Variants in TMT1A observed in about 807,000 individuals in gnomAD.
TMT1A encodes the protein thiol methyltransferase 1A.
chr12:50,925,237 G>C, the TMT1A span: 1 of 1,614,210 alleles, frequency 6.2e-7, no homozygotes, highest in Non-Finnish European at 8.5e-7. Context: ...GGAGTTTGCG[G>C]GCCCCTCCGG....
chr12:50,930,339 A>G, the TMT1A span: 3 of 507,664 alleles, frequency 5.9e-6, no homozygotes, highest in Non-Finnish European at 1.0e-5. Flanking sequence ...GAGTGCAATG[A>G]CGTGATCTCC....
At chr12:50,927,173 A>G in the TMT1A span, among the ~76,000 whole-genome samples, 10 of 152,160 alleles carry the variant, frequency 6.6e-5, no homozygotes, top group Non-Finnish European at 1.3e-4. Context: ...GACTACAGGC[A>G]TGCACCACCA....
chr12:50,925,038 A>C, the TMT1A span: 1 of 1,613,692 alleles, frequency 6.2e-7, no homozygotes. Context: ...CCTTCTGAGC[A>C]ATGGAGCTTA....
chr12:50,930,396 C>T, the TMT1A span: 1 of 307,752 alleles, frequency 3.2e-6, no homozygotes, highest in Non-Finnish European at 6.0e-6. Context: ...TCTTCTGCCT[C>T]AGCCTCCCTA....
chr12:50,930,254 G>A, the TMT1A span: 1 of 842,794 alleles, frequency 1.2e-6, no homozygotes, highest in Non-Finnish European at 1.7e-6. Context: ...TTGGGGGGCG[G>A]TTTTTTTGGT....
chr12:50,930,185 G>A, the TMT1A span: 5 of 1,472,506 alleles, frequency 3.4e-6, no homozygotes, highest in Non-Finnish European at 4.6e-6. Flanking sequence ...ATGGCTCAAA[G>A]AATTTAAAGC....
the TMT1A span, chr12:50,931,634 C>T: frequency 6.7e-5 from 10 of 149,684 alleles, no homozygotes; most frequent in African/African-American, 2.5e-4. Context: ...TCTCTTGAAC[C>T]CAGAAGGCGA....
At chr12:50,929,937 G>T in the TMT1A span, 1 of 1,613,430 alleles carries the variant, frequency 6.2e-7, no homozygotes. Context: ...ATTTCATGGA[G>T]CATGTGGCAG....
At chr12:50,929,313 A>G in the TMT1A span, among the ~76,000 whole-genome samples, 1 of 152,200 alleles carries the variant, frequency 6.6e-6, no homozygotes. Flanking sequence ...TGACCCATAT[A>G]ATTTGGGGAA....
the TMT1A span, among the ~76,000 whole-genome samples, chr12:50,927,388 T>C: frequency 6.6e-6 from 1 of 152,170 alleles, no homozygotes; most frequent in African/African-American, 2.4e-5. Flanking sequence ...AGATAGGGTT[T>C]AGGGAAAATC....
the TMT1A span, chr12:50,930,366 A>G: frequency 1.0e-4 from 40 of 394,466 alleles, no homozygotes; most frequent in South Asian, 1.7e-3. Flanking sequence ...TGCAACCTCC[A>G]CCTCGCGGGT....
chr12:50,925,381 C>T, the TMT1A span: 3 of 1,614,188 alleles, frequency 1.9e-6, no homozygotes, highest in South Asian at 2.2e-5. Flanking sequence ...TGCAGAGAAC[C>T]GACACCTGCA....
the TMT1A span, chr12:50,925,026 T>C: frequency 5.6e-6 from 9 of 1,611,280 alleles, no homozygotes; most frequent in Middle Eastern, 1.7e-4. Context: ...TCTGTTTTTT[T>C]CCCTTCTGAG....
chr12:50,928,250 G>A, the TMT1A span, among the ~76,000 whole-genome samples: 2 of 152,128 alleles, frequency 1.3e-5, no homozygotes, highest in Non-Finnish European at 2.9e-5. Flanking sequence ...CCTACCACTG[G>A]GGTTCCTTTC....
At chr12:50,925,269 G>A in the TMT1A span, 1 of 1,614,204 alleles carries the variant, frequency 6.2e-7, no homozygotes, top group South Asian at 1.1e-5. Context: ...TGCTGGAAGT[G>A]GGCTGTGGCA....
the TMT1A span, chr12:50,929,787 T>C: frequency 1.8e-5 from 14 of 787,086 alleles, no homozygotes; most frequent in South Asian, 1.8e-5. Flanking sequence ...GTGACCCTCC[T>C]GCTCAGAACT....
chr12:50,928,480 C>T, the TMT1A span, among the ~76,000 whole-genome samples: 1 of 152,242 alleles, frequency 6.6e-6, no homozygotes, highest in African/African-American at 2.4e-5. Context: ...TTTGTAAAGG[C>T]ATGAATTCCT....
chr12:50,930,217 C>G, the TMT1A span: 1 of 1,295,962 alleles, frequency 7.7e-7, no homozygotes, highest in Non-Finnish European at 1.0e-6. Flanking sequence ...ATTTAAAATG[C>G]TAAGTGGGAG....
chr12:50,928,897 C>T, the TMT1A span, among the ~76,000 whole-genome samples: 1 of 152,110 alleles, frequency 6.6e-6, no homozygotes, highest in Non-Finnish European at 1.5e-5. Flanking sequence ...CTGACCTCCC[C>T]AAACCTGCCT....
Sources: gnomAD v4.1 joint callset for allele counts (sites outside exome capture counted in the v4.1 genomes callset) on GRCh38, gnomAD v4.1.1 for gene constraint, MANE v1.5 for transcripts, NCBI Gene and HGNC (gene_info 2026-07-23, HGNC 2026-07-21) for gene names.